The following KIAA1671 variants were observed in gnomAD, a reference collection of about 807,000 sequenced individuals.
The protein encoded by KIAA1671 is KIAA1671.
KIAA1671 carries 52 observed loss-of-function variants against 131.2 expected under a neutral mutation model. The observed-to-expected ratio is 0.40, with a 90% CI of 0.32 to 0.50. The LOEUF (loss-of-function observed/expected upper bound fraction) is 0.50. Ranked by LOEUF, KIAA1671 falls within the 20% of genes least tolerant of loss-of-function variation. The probability of loss-of-function intolerance (pLI) is 0.73; values close to 1 mark genes in which losing one functional copy is unlikely to be tolerated. For synonymous variants in KIAA1671, 1,003 were observed against 961.6 expected (o/e 1.04, Z -0.80); for missense variants, 2,360 against 2,364.2 (o/e 1.00, Z 0.04).
chr22:25,112,494 A>T (rs1235938534), intron 6 of KIAA1671: 1 of 398,390 alleles, frequency 2.5e-6, no homozygotes, highest in African/African-American at 2.1e-5. Flanking sequence ...AAATATTAAA[A>T]CAACACTGAA....
intron 6 of KIAA1671, among the ~76,000 whole-genome samples, chr22:25,156,146 C>T (rs1336985703): frequency 6.7e-6 from 1 of 150,078 alleles, no homozygotes; most frequent in Non-Finnish European, 1.5e-5. Context: ...CCTCAGCCTC[C>T]CGAGTAGCTG....
At chr22:25,020,495 C>G (rs1925606565) in intron 1 of KIAA1671, among the ~76,000 whole-genome samples, 1 of 152,106 alleles carries the variant, frequency 6.6e-6, no homozygotes, top group African/African-American at 2.4e-5. Context: ...GACTTTATGC[C>G]CCTTATGGTT....
rs114487271 is a variant in KIAA1671 at position 24,972,902 on chromosome 22, C to T, written c.-208+20130C>T. ...AAATAAAAGAAGGTAATGTGGAAGACGGTGTCTGCTTTCGATGGGGTGGCT... is the reference window on the plus strand; with the variant it reads ...AAATAAAAGAAGGTAATGTGGAAGATGGTGTCTGCTTTCGATGGGGTGGCT... On this transcript the variant is annotated intron_variant, in intron 1 of 12. Coordinates refer to ENST00000358431, the MANE Select transcript of KIAA1671 (RefSeq NM_001145206.2). 3.1e-3 allele frequency among the ~76,000 whole-genome samples: 468 copies of T among 152,254 alleles called. 8 individuals carry two copies. Among genetic ancestry groups the T allele is most frequent in the African/African-American group, 0.011 (444 of 41,556 alleles).
At chr22:25,140,519 G>A (rs534019795) in intron 6 of KIAA1671, among the ~76,000 whole-genome samples, 15 of 152,272 alleles carry the variant, frequency 9.9e-5, no homozygotes, top group South Asian at 2.1e-4. Flanking sequence ...ATGCCGCAGG[G>A]GAATAACATC....
At chr22:25,161,616 G>A (rs1933446995) in intron 6 of KIAA1671, among the ~76,000 whole-genome samples, 1 of 152,240 alleles carries the variant, frequency 6.6e-6, no homozygotes, top group African/African-American at 2.4e-5. Context: ...CAGAGTGCTG[G>A]AAGGGAGCTG....
At chr22:24,958,634 G>C (rs916230001) in intron 1 of KIAA1671, among the ~76,000 whole-genome samples, 2 of 141,344 alleles carry the variant, frequency 1.4e-5, no homozygotes, top group Non-Finnish European at 3.0e-5. Context: ...CTGGGTGACA[G>C]AGCAAGACTC....
At chr22:25,141,377 C>T (rs766338957) in intron 6 of KIAA1671, among the ~76,000 whole-genome samples, 58 of 150,226 alleles carry the variant, frequency 3.9e-4, no homozygotes, top group Non-Finnish European at 6.7e-4. Context: ...GGACTACAGG[C>T]GCCTGCCACC....
At chr22:25,114,719 A>T (rs987168656) in intron 6 of KIAA1671, among the ~76,000 whole-genome samples, 3 of 152,110 alleles carry the variant, frequency 2.0e-5, no homozygotes, top group African/African-American at 7.2e-5. Context: ...CTCTCAAACC[A>T]TCACTTCAAA....
At chr22:24,979,549 CTG>C (rs1223930944) in intron 1 of KIAA1671, among the ~76,000 whole-genome samples, 1 of 148,270 alleles carries the variant, frequency 6.7e-6, no homozygotes, top group African/African-American at 2.5e-5. Context: ...CAGGGTTTCA[CTG>C]TGTTAGCCAA....
chr22:25,084,259 C>T (rs1281677318), intron 6 of KIAA1671, among the ~76,000 whole-genome samples: 1 of 151,942 alleles, frequency 6.6e-6, no homozygotes, highest in Non-Finnish European at 1.5e-5. Context: ...GGCGGATCAC[C>T]GAGGTTAGGA....
chr22:25,150,190 G>A (rs146259247), intron 6 of KIAA1671, among the ~76,000 whole-genome samples: 272 of 152,322 alleles, frequency 1.8e-3, no homozygotes, highest in African/African-American at 6.3e-3. Context: ...CGATCCCGTG[G>A]TTTGTGAGGC....
At position 25,147,486 on chromosome 22, in the gene KIAA1671, C is replaced by T. The variant is rs8136729; in HGVS notation, c.4531-23334C>T. On this transcript the variant is annotated intron_variant, in intron 6 of 12. Coordinates refer to ENST00000358431, the MANE Select transcript of KIAA1671 (RefSeq NM_001145206.2). Reference sequence around the variant, plus strand: ...GGGATTGTAGGTGTGAGCCACCGCACCTGGCCCCATGCAGCATTTTATAAC... The same window carrying T: ...GGGATTGTAGGTGTGAGCCACCGCATCTGGCCCCATGCAGCATTTTATAAC... 3.6e-3 allele frequency among the ~76,000 whole-genome samples: 549 copies of T among 152,280 alleles called. 5 individuals carry two copies. Among genetic ancestry groups the T allele is most frequent in the African/African-American group, 0.012 (503 of 41,542 alleles).
At chr22:25,119,129 C>CAGAA (rs112335575) in intron 6 of KIAA1671, among the ~76,000 whole-genome samples, 265 of 152,304 alleles carry the variant, frequency 1.7e-3, no homozygotes, top group African/African-American at 6.1e-3. Flanking sequence ...TGCCAGTACC[C>CAGAA]AGAACAGTGG....
At chr22:25,046,016 G>A (rs1904341559) in intron 5 of KIAA1671, among the ~76,000 whole-genome samples, 1 of 152,064 alleles carries the variant, frequency 6.6e-6, no homozygotes, top group African/African-American at 2.4e-5. Context: ...TAGAAACAGG[G>A]TTGTGCCGGG....
At chr22:25,074,730 T>C (rs1402343904) in intron 6 of KIAA1671, among the ~76,000 whole-genome samples, 1 of 152,164 alleles carries the variant, frequency 6.6e-6, no homozygotes, top group East Asian at 1.9e-4. Flanking sequence ...TCTGTCTGTC[T>C]GTCCAACTAT....
chr22:24,974,754 G>A (rs1168832562), intron 1 of KIAA1671, among the ~76,000 whole-genome samples: 1 of 138,576 alleles, frequency 7.2e-6, no homozygotes, highest in African/African-American at 2.8e-5. Context: ...GTGTAATGGC[G>A]TGATCTCGGC....
In KIAA1671 at chr22:24,996,322, G is replaced by A. The variant is rs138265612; in HGVS notation, c.-207-29311G>A. On this transcript the variant is annotated intron_variant, in intron 1 of 12. Transcript: ENST00000358431. ...GTATCTTATAGAGATGAAAGTAAAGGGCATCGGGAACCAGCGAGGAGACCC... is the reference window on the plus strand; with the variant it reads ...GTATCTTATAGAGATGAAAGTAAAGAGCATCGGGAACCAGCGAGGAGACCC... 2.9e-3 allele frequency among the ~76,000 whole-genome samples: 440 copies of A among 152,138 alleles called. 3 individuals are homozygous for A. Among genetic ancestry groups the A allele is most frequent in the African/African-American group, 0.01 (417 of 41,506 alleles).
intron 1 of KIAA1671, among the ~76,000 whole-genome samples, chr22:25,000,322 T>G (rs1348913573): frequency 1.1e-5 from 1 of 92,638 alleles, no homozygotes; most frequent in Non-Finnish European, 2.2e-5. Context: ...GCCTCCCAAG[T>G]AGCTGGGACT....
chr22:24,971,688 TGTG>T (rs1480321036), intron 1 of KIAA1671, among the ~76,000 whole-genome samples: 8 of 152,176 alleles, frequency 5.3e-5, no homozygotes, highest in Admixed American at 5.2e-4. Flanking sequence ...TGCTGTGGGA[TGTG>T]GTACTGAATT....
Sources: allele counts gnomAD v4.1 joint callset (sites outside exome capture counted in the v4.1 genomes callset), GRCh38; gene constraint gnomAD v4.1.1; transcripts MANE v1.5; gene names NCBI Gene and HGNC (gene_info 2026-07-23, HGNC 2026-07-21).